Variants in ODR4 observed in about 807,000 individuals in gnomAD.
The protein encoded by ODR4 is odr-4 GPCR localization factor homolog, also known as protein odr-4 homolog.
In ODR4, 47 loss-of-function variants were observed where a neutral mutation model predicts 60.2. The ratio of observed to expected loss-of-function variants is 0.78; its 90% confidence interval spans 0.62 to 1.00. The LOEUF (loss-of-function observed/expected upper bound fraction) is 1.00. Ranked by LOEUF, ODR4 falls within the 50% of genes least tolerant of loss-of-function variation. ODR4 has a pLI of 0.00. For synonymous variants in ODR4, 178 were observed against 175.5 expected (o/e 1.01, Z -0.11); for missense variants, 488 against 530.8 (o/e 0.92, Z 0.79).
At chr1:186,376,580 G>A (rs1441886826) in intron 1 of ODR4, among the ~76,000 whole-genome samples, 1 of 152,116 alleles carries the variant, frequency 6.6e-6, no homozygotes, top group East Asian at 1.9e-4. Context: ...TTTGAATCAT[G>A]TTGTGAAGCC....
At position 186,388,504 on chromosome 1, in the gene ODR4, A is replaced by G; in HGVS notation, c.393A>G (p.Glu131=). ...GATTGTGGAATTTCACAGAGGAGGA[A>G]GTCTCAGAACGAGTGACACTTCACA... ...RKRLWNFTEE[E]VSERVTLHIC... The change falls in exon 5 of 14, where the codon GAA becomes GAG. Residue 131 remains glutamate, a synonymous_variant. Coordinates refer to ENST00000287859, the MANE Select transcript of ODR4 (RefSeq NM_017847.6). 1.3e-6 allele frequency: 2 copies of G among 1,571,546 alleles called. No homozygotes were observed. Among genetic ancestry groups the G allele is most frequent in the Non-Finnish European group, 1.7e-6 (2 of 1,157,974 alleles).
At chr1:186,381,332 CTT>C (rs752239468) in intron 2 of ODR4, among the ~76,000 whole-genome samples, 12 of 144,536 alleles carry the variant, frequency 8.3e-5, no homozygotes, top group Non-Finnish European at 7.6e-5. Context: ...GGCCTTCCTT[CTT>C]TTTTTTTTTT....
chr1:186,391,645 A>AATTGAG lies in ODR4; in HGVS notation c.616-48_616-43dup, dbSNP rs1660471900. 3.5e-6 allele frequency: 4 copies of AATTGAG among 1,148,744 alleles called. No individual in the cohort carries two copies. The South Asian group carries it at 5.3e-5, about 15-fold the overall frequency. 71.2% of individuals were successfully genotyped at this position (1,148,744 alleles called of 1,614,324 possible). On this transcript the variant is annotated intron_variant, in intron 7 of 13. Coordinates refer to ENST00000287859, the MANE Select transcript of ODR4 (RefSeq NM_017847.6). ...GAACAAAGTAGATTATAGGAAGTTT[A>AATTGAG]ATTGAGATGGCATTGTATCTGAAAG...
intron 11 of ODR4, among the ~76,000 whole-genome samples, chr1:186,401,982 GT>G (rs538275078): frequency 1.2e-3 from 184 of 152,146 alleles, no homozygotes; most frequent in African/African-American, 4.3e-3. Context: ...CAGTCTTGGA[GT>G]TTTCTTTGGA....
intron 11 of ODR4, chr1:186,401,507 T>A: frequency 5.0e-6 from 1 of 200,270 alleles, no homozygotes; most frequent in Non-Finnish European, 1.1e-5. Context: ...TTTCTCTCTC[T>A]CTCTCTCTCC....
chr1:186,430,911 C>T, the ODR4 span, among the ~76,000 whole-genome samples: 1 of 147,814 alleles, frequency 6.8e-6, no homozygotes, highest in Non-Finnish European at 1.5e-5. Context: ...AAGTCATTTT[C>T]TAAGCCTAAA....
chr1:186,404,431 A>C (rs1040055814), intron 11 of ODR4, among the ~76,000 whole-genome samples: 10 of 152,314 alleles, frequency 6.6e-5, no homozygotes, highest in African/African-American at 2.4e-4. Context: ...TATTTTTCAG[A>C]TAGACCAAGA....
chr1:186,406,025 A>G, intron 11 of ODR4, 58 bp from the exon 12 acceptor site: 1 of 1,137,990 alleles, frequency 8.8e-7, no homozygotes, highest in East Asian at 2.6e-5. Context: ...TAAAATATGT[A>G]TCACTGATAC....
chr1:186,400,181 G>A (rs1660878208), intron 11 of ODR4, among the ~76,000 whole-genome samples: 1 of 149,212 alleles, frequency 6.7e-6, no homozygotes, highest in Non-Finnish European at 1.5e-5. Context: ...TAGTAGAGAC[G>A]GGGTTTCACC....
chr1:186,416,122 T>A (rs1661555772), intron 12 of ODR4, among the ~76,000 whole-genome samples: 1 of 152,184 alleles, frequency 6.6e-6, no homozygotes, highest in South Asian at 2.1e-4. Flanking sequence ...ATTTTTAGTT[T>A]AAGAGCTTTT....
intron 4 of ODR4, among the ~76,000 whole-genome samples, chr1:186,387,609 C>T (rs1197034660): frequency 2.6e-5 from 4 of 152,208 alleles, no homozygotes; most frequent in Admixed American, 6.5e-5. Context: ...TAAAACTTGT[C>T]AGTGTCACCC....
At chr1:186,405,740 C>T (rs976797581) in intron 11 of ODR4, among the ~76,000 whole-genome samples, 6 of 151,992 alleles carry the variant, frequency 3.9e-5, no homozygotes, top group Middle Eastern at 3.4e-3. Flanking sequence ...TTAGTAGAAA[C>T]GGGGTTTCAC....
At chr1:186,380,977 C>G (rs1463790234) in intron 2 of ODR4, among the ~76,000 whole-genome samples, 1 of 152,046 alleles carries the variant, frequency 6.6e-6, no homozygotes, top group Non-Finnish European at 1.5e-5. Context: ...AATCAGATTT[C>G]TTAATTTGCA....
At chr1:186,398,260 C>T in intron 9 of ODR4, 53 bp from the exon 10 acceptor site, 1 of 1,455,432 alleles carries the variant, frequency 6.9e-7, no homozygotes, top group Non-Finnish European at 9.2e-7. Context: ...TTAAATATTT[C>T]CTGTAGTTAA....
chr1:186,433,659 C>A, the ODR4 span, among the ~76,000 whole-genome samples: 1 of 152,136 alleles, frequency 6.6e-6, no homozygotes, highest in Admixed American at 6.6e-5. Flanking sequence ...CAGCTCACTG[C>A]AACCTCTGCC....
In ODR4 at chr1:186,390,744, A is replaced by G; in HGVS notation, c.508A>G (p.Ser170Gly). The change falls in exon 7 of 14, where the codon AGT (serine) becomes GGT (glycine). Residue 170 changes from serine to glycine, a missense_variant. Physicochemically the swap from Ser to Gly is moderately conservative, Grantham distance 56. Transcript: ENST00000287859. ...SARPADWKYQ[S>G]GLSSSWLSLE... ...AAGACCAGCAGATTGGAAGTATCAA[A>G]GTGGATTATCATCCTCATGGCTTTC... is the stretch of plus-strand genomic sequence containing the variant. The G allele has an allele frequency of 6.2e-7, 1 of 1,613,588 alleles. No individual in the cohort carries two copies. Among genetic ancestry groups the G allele is most frequent in the Non-Finnish European group, 8.5e-7 (1 of 1,179,648 alleles).
chr1:186,397,174 A>G (rs3108517), intron 9 of ODR4, among the ~76,000 whole-genome samples: 6,732 of 152,270 alleles, frequency 0.044, 166 homozygotes, highest in Non-Finnish European at 0.048. Flanking sequence ...ACATTGCTTG[A>G]ATTACACTAG....
At chr1:186,402,105 T>C (rs1660981232) in intron 11 of ODR4, among the ~76,000 whole-genome samples, 2 of 152,138 alleles carry the variant, frequency 1.3e-5, no homozygotes, top group South Asian at 4.1e-4. Context: ...TTCCTTTCTT[T>C]CTACGAAGAC....
At chr1:186,380,787 C>G (rs1261666145) in intron 2 of ODR4, among the ~76,000 whole-genome samples, 1 of 152,082 alleles carries the variant, frequency 6.6e-6, no homozygotes, top group African/African-American at 2.4e-5. Flanking sequence ...ACCCATATTC[C>G]CAAGCTACTT....
Sources: allele counts gnomAD v4.1 joint callset (sites outside exome capture counted in the v4.1 genomes callset), GRCh38; gene constraint gnomAD v4.1.1; transcripts MANE v1.5; gene names NCBI Gene and HGNC (gene_info 2026-07-23, HGNC 2026-07-21).